Variants in HLCS observed in about 807,000 individuals in gnomAD.
The protein encoded by HLCS is holocarboxylase synthetase, also known as biotin--protein ligase.
In HLCS, 53 loss-of-function variants were observed where a neutral mutation model predicts 75.0. The observed-to-expected ratio is 0.71, with a 90% CI of 0.57 to 0.89. The LOEUF (loss-of-function observed/expected upper bound fraction) is 0.89, where lower values mean the gene tolerates loss of function less well. Ranked by LOEUF, HLCS falls within the 40% of genes least tolerant of loss-of-function variation. The pLI, the probability that HLCS is intolerant of heterozygous loss-of-function variation, is 0.00. For synonymous variants in HLCS, 431 were observed against 428.6 expected (o/e 1.01, Z -0.07); for missense variants, 966 against 1,074.0 (o/e 0.90, Z 1.41).
At chr21:36,951,219 A>T (rs2067655657) in intron 2 of HLCS, among the ~76,000 whole-genome samples, 2 of 152,164 alleles carry the variant, frequency 1.3e-5, no homozygotes, top group Non-Finnish European at 2.9e-5. Context: ...GGAAGCTACC[A>T]CCATATCAGG....
chr21:36,838,802 T>C (rs2146085822), intron 6 of HLCS, among the ~76,000 whole-genome samples: 2 of 150,462 alleles, frequency 1.3e-5, no homozygotes, highest in African/African-American at 4.9e-5. Context: ...TGCAGTGAAA[T>C]AGCCACAAGC....
chr21:36,823,323 C>T (rs1472844100), intron 6 of HLCS, among the ~76,000 whole-genome samples: 5 of 152,188 alleles, frequency 3.3e-5, no homozygotes, highest in East Asian at 3.9e-4. Context: ...CGCAGTTTGC[C>T]GACACACCAT....
intron 1 of HLCS, among the ~76,000 whole-genome samples, chr21:36,983,604 G>A (rs779103628): frequency 1.4e-4 from 22 of 151,898 alleles, no homozygotes; most frequent in Admixed American, 9.8e-4. Context: ...TTGGGAGGCT[G>A]AGGCGGGCAG....
chr21:36,913,101 T>C (rs1039055064), intron 5 of HLCS, among the ~76,000 whole-genome samples: 11 of 152,088 alleles, frequency 7.2e-5, no homozygotes, highest in African/African-American at 2.7e-4. Context: ...GCGACACCTC[T>C]GCATCATTAG....
At chr21:36,781,589 C>A (rs1041789482) in intron 6 of HLCS, among the ~76,000 whole-genome samples, 1 of 152,128 alleles carries the variant, frequency 6.6e-6, no homozygotes, top group Non-Finnish European at 1.5e-5. Flanking sequence ...ATATCCTGCT[C>A]TATTACTGAA....
In HLCS at chr21:36,759,847, G is replaced by C. The variant is rs764724435; in HGVS notation, c.2122-6C>G. The C allele has an allele frequency of 2.6e-6, 4 of 1,545,990 alleles. No individual in the cohort carries two copies. Among genetic ancestry groups the C allele is most frequent in the Admixed American group, 3.3e-5 (2 of 59,902 alleles). ...TTCACTCGTAAGTTGATATCCTAAAGGGAAATCTGCACATTAATTAAGCCG... is the reference window on the plus strand; with the variant it reads ...TTCACTCGTAAGTTGATATCCTAAACGGAAATCTGCACATTAATTAAGCCG... On this transcript the variant is annotated splice_polypyrimidine_tract_variant and splice_region_variant and intron_variant, in intron 8 of 10. Transcript: ENST00000674895.
At chr21:36,839,362 G>C (rs1162323547) in intron 6 of HLCS, among the ~76,000 whole-genome samples, 4 of 142,500 alleles carry the variant, frequency 2.8e-5, no homozygotes, top group African/African-American at 1.0e-4. Context: ...CATGCTAGGA[G>C]GTAGCCTGGG....
At chr21:36,915,544 C>T (rs924183654) in intron 5 of HLCS, among the ~76,000 whole-genome samples, 1 of 152,154 alleles carries the variant, frequency 6.6e-6, no homozygotes, top group Non-Finnish European at 1.5e-5. Context: ...CAACACTGCC[C>T]TACGTGTGCA....
At chr21:36,967,999 C>G (rs1039996437), upstream of HLCS, among the ~76,000 whole-genome samples, 1 of 151,910 alleles carries the variant, frequency 6.6e-6, no homozygotes, top group Non-Finnish European at 1.5e-5. Context: ...GGATTACAGG[C>G]GTGAACCACC....
At chr21:36,834,967 A>C (rs1285399158) in intron 6 of HLCS, among the ~76,000 whole-genome samples, 1 of 152,088 alleles carries the variant, frequency 6.6e-6, no homozygotes, top group Non-Finnish European at 1.5e-5. Context: ...GTGGGGGGTC[A>C]GGAGTTAGGC....
At chr21:36,945,214 T>C (rs943591775) in intron 2 of HLCS, among the ~76,000 whole-genome samples, 2 of 152,182 alleles carry the variant, frequency 1.3e-5, no homozygotes, top group African/African-American at 4.8e-5. Flanking sequence ...TACAGGTTTT[T>C]TTTTGGTTTT....
chr21:36,764,638 GA>G (rs2089969776), intron 8 of HLCS, among the ~76,000 whole-genome samples: 1 of 152,182 alleles, frequency 6.6e-6, no homozygotes, highest in Admixed American at 6.5e-5. Flanking sequence ...CTGGAAGGTG[GA>G]GGTTGCAGTG....
intron 6 of HLCS, among the ~76,000 whole-genome samples, chr21:36,778,361 C>T (rs956960262): frequency 1.3e-5 from 2 of 151,966 alleles, no homozygotes; most frequent in Non-Finnish European, 2.9e-5. Context: ...CTCACTGCAA[C>T]CCCTGCCTCC....
chr21:36,867,454 T>G (rs926797709), intron 6 of HLCS, among the ~76,000 whole-genome samples: 13 of 152,198 alleles, frequency 8.5e-5, no homozygotes, highest in African/African-American at 2.9e-4. Flanking sequence ...GGCAACAGAA[T>G]TTTGGCTGCA....
In HLCS at chr21:36,764,112, C is replaced by T. The variant is rs150840345; in HGVS notation, c.2121+900G>A. Among the ~76,000 whole-genome samples the T allele has an allele frequency of 5.0e-3, 767 of 152,304 alleles. 2 individuals carry two copies. Among genetic ancestry groups the T allele is most frequent in the African/African-American group, 0.015 (623 of 41,570 alleles). ...TCCAGTGCTTCAAACAAAAAACAAA[C>T]ATGCAGCTGGGCGTGGTGGCTCACG... On this transcript the variant is annotated intron_variant, in intron 8 of 10. Coordinates refer to ENST00000674895, the MANE Select transcript of HLCS (RefSeq NM_001352514.2).
At chr21:36,783,378 T>G (rs939286765) in intron 6 of HLCS, among the ~76,000 whole-genome samples, 1 of 152,218 alleles carries the variant, frequency 6.6e-6, no homozygotes, top group African/African-American at 2.4e-5. Context: ...AATGACTTTT[T>G]TAAAACTACA....
intron 6 of HLCS, among the ~76,000 whole-genome samples, chr21:36,788,378 G>T (rs752028768): frequency 6.6e-6 from 1 of 152,130 alleles, no homozygotes; most frequent in East Asian, 1.9e-4. Flanking sequence ...CTTCTCCATC[G>T]GAACTTAGGG....
chr21:36,843,032 T>C lies in HLCS; in HGVS notation c.1892+53828A>G, dbSNP rs150883108. Among the ~76,000 whole-genome samples the C allele has an allele frequency of 2.4e-4, 36 of 152,362 alleles. 1 individual carries two copies. The East Asian group carries it at 6.4e-3, about 27-fold the overall frequency. The stretch of plus-strand genomic sequence containing the variant: ...TCTTCTAGACTTTGGTGGCCATCTG[T>C]ATGGAAGGAATCTTCAGGTAAAAGA... On this transcript the variant is annotated intron_variant, in intron 6 of 10. Coordinates refer to ENST00000674895, the MANE Select transcript of HLCS (RefSeq NM_001352514.2).
chr21:36,953,204 C>T (rs1433993155), intron 2 of HLCS, among the ~76,000 whole-genome samples: 2 of 152,160 alleles, frequency 1.3e-5, no homozygotes, highest in Non-Finnish European at 2.9e-5. Context: ...TAAAGTGATC[C>T]TCCCACCCCA....
Sources: allele counts gnomAD v4.1 joint callset (sites outside exome capture counted in the v4.1 genomes callset), GRCh38; gene constraint gnomAD v4.1.1; transcripts MANE v1.5; gene names NCBI Gene and HGNC (gene_info 2026-07-23, HGNC 2026-07-21).